The following TNS1 variants were observed in gnomAD, a reference collection of about 807,000 sequenced individuals.
The protein encoded by TNS1 is tensin-1.
A neutral mutation model predicts 168.6 loss-of-function variants in TNS1; 62 were observed. The observed-to-expected ratio is 0.37, with a 90% CI of 0.30 to 0.45. The LOEUF (loss-of-function observed/expected upper bound fraction) is 0.45. Ranked by LOEUF, TNS1 falls within the 20% of genes least tolerant of loss-of-function variation. TNS1 has a pLI of 1.00. For missense variants in TNS1, 2,240 were observed against 2,339.4 expected (o/e 0.96, Z 0.88); for synonymous variants, 934 against 933.2 (o/e 1.00, Z -0.02).
chr2:217,938,178 T>G (rs1956724363), intron 3 of TNS1, among the ~76,000 whole-genome samples: 1 of 152,172 alleles, frequency 6.6e-6, no homozygotes, highest in Non-Finnish European at 1.5e-5. Context: ...GCTTAATGCC[T>G]TTTGCAGCTG....
At chr2:217,941,480 G>C (rs1193432555) in intron 3 of TNS1, among the ~76,000 whole-genome samples, 1 of 152,334 alleles carries the variant, frequency 6.6e-6, no homozygotes, top group Non-Finnish European at 1.5e-5. Flanking sequence ...TGAGGGAGGG[G>C]CACAGTGCCA....
At position 217,969,998 on chromosome 2, in the gene TNS1, G is replaced by A. The variant is rs181266460; in HGVS notation, c.186+8767C>T. ...GCCTTAACCATCTATGACAGTTCCT[G>A]ATAAAAAAAAAAAATTTGTACACAG... On this transcript the variant is annotated intron_variant, in intron 3 of 32. Coordinates refer to ENST00000682258, the MANE Select transcript of TNS1 (RefSeq NM_001387777.1). Among the ~76,000 whole-genome samples, 576 of 151,090 alleles carry A rather than the reference G, an allele frequency of 3.8e-3. 18 individuals carry two copies. The highest frequency in any genetic ancestry group is 0.035 in the Admixed American group (533 of 15,246).
At chr2:217,906,258 A>T (rs1953679686) in intron 6 of TNS1, 77 bp downstream of exon 6, 1 of 688,442 alleles carries the variant, frequency 1.5e-6, no homozygotes, top group Non-Finnish European at 2.6e-6. Context: ...ACAAGACATT[A>T]TCCACCTCCC....
intron 22 of TNS1, among the ~76,000 whole-genome samples, chr2:217,824,000 C>T (rs1018211863): frequency 6.6e-5 from 10 of 152,340 alleles, no homozygotes; most frequent in South Asian, 4.2e-4. Flanking sequence ...ATGCAGATAT[C>T]CCCTGACCAG....
chr2:217,997,265 C>T (rs879646877), intron 1 of TNS1, among the ~76,000 whole-genome samples: 1 of 152,152 alleles, frequency 6.6e-6, no homozygotes, highest in South Asian at 2.1e-4. Flanking sequence ...AGAAATTCAG[C>T]ATCAATACAA....
intron 1 of TNS1, among the ~76,000 whole-genome samples, chr2:217,998,115 G>A (rs954423243): frequency 6.6e-6 from 1 of 152,226 alleles, no homozygotes; most frequent in African/African-American, 2.4e-5. Context: ...AGGAAGGAAG[G>A]AGGGCAGACA....
chr2:217,925,473 G>A (rs1031715267), intron 3 of TNS1, among the ~76,000 whole-genome samples: 1 of 152,050 alleles, frequency 6.6e-6, no homozygotes, highest in Non-Finnish European at 1.5e-5. Context: ...CTCCAAAGGG[G>A]CTCACCACAC....
At chr2:218,010,254 C>A (rs926053411) in exon 1 of TNS1, 6 of 398,588 alleles carry the variant, frequency 1.5e-5, no homozygotes, top group Non-Finnish European at 2.7e-5. Context: ...ACCCGCCGCT[C>A]CTGGCGCAGA....
At position 217,948,346 on chromosome 2, in the gene TNS1, C is replaced by T. The variant is rs1258093570; in HGVS notation, c.187-28110G>A. Among the ~76,000 whole-genome samples, 1 of 152,182 alleles carries T rather than the reference C, an allele frequency of 6.6e-6. No homozygotes were observed. The highest frequency in any genetic ancestry group is 1.5e-5 in the Non-Finnish European group (1 of 68,024). ...CCCCTCCATCACAGAGAAGGAAGGG[C>T]CACATGCCCAGGTCCCAAGGGGAGA... On this transcript the variant is annotated intron_variant, in intron 3 of 32. Coordinates refer to ENST00000682258, the MANE Select transcript of TNS1 (RefSeq NM_001387777.1). This position sits in a 1 kb window ranked among gnomAD's most constrained non-coding sequence, Gnocchi z 4.1.
At chr2:217,852,487 T>C (rs1947639327) in intron 18 of TNS1, among the ~76,000 whole-genome samples, 1 of 152,216 alleles carries the variant, frequency 6.6e-6, no homozygotes, top group African/African-American at 2.4e-5. Flanking sequence ...GTGTGTCCAG[T>C]GGCTTCCCCA....
At chr2:217,941,961 C>T (rs1490246676) in intron 3 of TNS1, among the ~76,000 whole-genome samples, 1 of 152,166 alleles carries the variant, frequency 6.6e-6, no homozygotes, top group African/African-American at 2.4e-5. Flanking sequence ...CAGCCACAGC[C>T]CATCAGAGGC....
At chr2:217,882,137 T>G (rs904887407) in intron 17 of TNS1, 6 of 490,132 alleles carry the variant, frequency 1.2e-5, no homozygotes, top group East Asian at 1.1e-4. Flanking sequence ...AGTGCCTCTC[T>G]GTCTGCTTTT....
At chr2:217,990,703 C>T (rs750198143) in intron 2 of TNS1, among the ~76,000 whole-genome samples, 1 of 152,222 alleles carries the variant, frequency 6.6e-6, no homozygotes, top group Admixed American at 6.5e-5. Flanking sequence ...CTTCTTCATG[C>T]CATTCATCCT....
intron 3 of TNS1, among the ~76,000 whole-genome samples, chr2:217,964,361 A>C (rs1056861228): frequency 6.6e-6 from 1 of 152,142 alleles, no homozygotes; most frequent in Non-Finnish European, 1.5e-5. Flanking sequence ...AGTGTCAGAG[A>C]TAGTGAGTGT....
chr2:217,974,596 A>G (rs1957849685), intron 3 of TNS1, among the ~76,000 whole-genome samples: 1 of 152,220 alleles, frequency 6.6e-6, no homozygotes, highest in East Asian at 1.9e-4. Context: ...CTCTACCAGC[A>G]GGAACATTTT....
intron 1 of TNS1, among the ~76,000 whole-genome samples, chr2:218,019,667 G>A (rs573649453): frequency 6.6e-6 from 1 of 152,318 alleles, no homozygotes; most frequent in East Asian, 1.9e-4. Context: ...AGGCCCTGGG[G>A]AGAGATTTCT....
chr2:217,938,731 G>C (rs546142283), intron 3 of TNS1, among the ~76,000 whole-genome samples: 28 of 152,340 alleles, frequency 1.8e-4, no homozygotes, highest in African/African-American at 6.3e-4. Context: ...CAGAAGGGGA[G>C]CTCAGGCTGG....
In TNS1 at chr2:217,808,671, C is replaced by G; in HGVS notation, c.5274G>C (p.Lys1758Asn). 6.2e-7 allele frequency: 1 copy of G among 1,614,014 alleles called. No individual in the cohort carries two copies. Among genetic ancestry groups the G allele is most frequent in the Non-Finnish European group, 8.5e-7 (1 of 1,179,924 alleles). Residue 1758 changes from lysine (K) to asparagine (N), a missense_variant and splice_region_variant, in exon 31 of 33, where the codon AAG becomes AAC. Lys to Asn is a moderately conservative substitution (Grantham distance 94). This residue lies in a region of TNS1 where 109 missense variants were observed against 168.1 expected (regional missense o/e 0.65). Transcript: ENST00000682258. ...QGITLTDNQR[K>N]LFFRRHYPLN... ...GAGGGTAGTGGCGTCTGAAAAAGAG[C>G]CTGCAGCACAGACATCAGATAAACA...
At chr2:218,019,599 T>C (rs1958790375) in intron 1 of TNS1, among the ~76,000 whole-genome samples, 1 of 152,204 alleles carries the variant, frequency 6.6e-6, no homozygotes. Flanking sequence ...GCCTTTGCCC[T>C]GCCCACCCTA....
Sources: gnomAD v4.1 joint callset for allele counts (sites outside exome capture counted in the v4.1 genomes callset) on GRCh38, gnomAD v4.1.1 for gene constraint, gnomAD v4.1.1 regional missense constraint, Gnocchi (gnomAD v3.1) non-coding constraint, MANE v1.5 for transcripts, NCBI Gene and HGNC (gene_info 2026-07-23, HGNC 2026-07-21) for gene names.